Variants in SLIT2 observed in about 807,000 individuals in gnomAD.
SLIT2 encodes slit guidance ligand 2, also known as slit homolog 2 protein.
In SLIT2, 41 loss-of-function variants were observed where a neutral mutation model predicts 185.7. The observed-to-expected ratio is 0.22, with a 90% confidence interval of 0.17 to 0.29. SLIT2 has a LOEUF of 0.29. Ranked by LOEUF, SLIT2 falls within the 10% of genes least tolerant of loss-of-function variation. SLIT2 has a pLI of 1.00. For synonymous variants in SLIT2, 693 were observed against 680.2 expected (o/e 1.02, Z -0.29); for missense variants, 1,571 against 1,909.0 (o/e 0.82, Z 3.30).
chr4:20,539,899 A>G (rs1028365942), intron 19 of SLIT2, among the ~76,000 whole-genome samples: 4 of 152,182 alleles, frequency 2.6e-5, no homozygotes, highest in African/African-American at 9.6e-5. Flanking sequence ...GAAATGTTAT[A>G]GATTTTTGCC....
Position 20,618,951 on chromosome 4 carries a change from C to A in SLIT2, c.4532C>A (p.Ser1511Tyr), listed in dbSNP as rs1182658447. 1.2e-6 allele frequency: 2 copies of A among 1,614,062 alleles called. No individual in the cohort carries two copies. Among genetic ancestry groups the A allele is most frequent in the Admixed American group, 3.3e-5 (2 of 59,998 alleles). The change falls in exon 37 of 37, where the codon TCC becomes TAC. Residue 1511 changes from serine (S) to tyrosine (Y), a missense_variant. Around this residue, in one of 3 missense-constraint regions of SLIT2, gnomAD observed 223 missense variants for 245.2 expected, o/e 0.91. Transcript: ENST00000504154. ...KYSFECTDGS[S>Y]FVDEVEKVVK... ...TCTTTCGAATGCACTGACGGCTCCT[C>A]CTTTGTGGACGAGGTTGAGAAAGTG...
intron 4 of SLIT2, among the ~76,000 whole-genome samples, chr4:20,295,438 C>T (rs1019480850): frequency 1.3e-5 from 2 of 152,150 alleles, no homozygotes; most frequent in African/African-American, 4.8e-5. Flanking sequence ...CTTATGCTAA[C>T]AACTCCTAAT....
In SLIT2 at chr4:20,271,338, A is replaced by G. The variant is rs944128631; in HGVS notation, c.395+2457A>G. On this transcript the variant is annotated intron_variant, in intron 4 of 36. Coordinates refer to ENST00000504154, the MANE Select transcript of SLIT2 (RefSeq NM_004787.4). ...ATGATCGTTTTATAAATATGTGTAA[A>G]ACAATATATAAGTATTCTATAAATA... 3.4e-5 allele frequency among the ~76,000 whole-genome samples: 5 copies of G among 148,834 alleles called. No individual in the cohort carries two copies. In the East Asian group the frequency reaches 5.8e-4, roughly 17 times the overall value.
rs1577905922 is a variant in SLIT2 at position 20,549,039 on chromosome 4, A to G, written c.2418-18A>G. ...TTGGATTTCTGAATAAAACAAATTG[A>G]CATATGTATGCTTTCAGAATTCTTA... is the stretch of plus-strand genomic sequence containing the variant. On this transcript the variant is annotated intron_variant, in intron 23 of 36. Coordinates refer to ENST00000504154, the MANE Select transcript of SLIT2 (RefSeq NM_004787.4). The G allele has an allele frequency of 6.7e-7, 1 of 1,490,768 alleles. No individual in the cohort carries two copies. Among genetic ancestry groups the G allele is most frequent in the African/African-American group, 1.4e-5 (1 of 72,578 alleles). 92.3% of individuals were successfully genotyped at this position (1,490,768 alleles called of 1,614,324 possible).
Position 20,567,507 on chromosome 4 carries a change from T to C in SLIT2, c.2851-11T>C, listed in dbSNP as rs1391706758. 1.9e-6 allele frequency: 3 copies of C among 1,612,878 alleles called. No homozygotes were observed. Among genetic ancestry groups the C allele is most frequent in the East Asian group, 2.2e-5 (1 of 44,838 alleles). On this transcript the variant is annotated splice_polypyrimidine_tract_variant and intron_variant, in intron 27 of 36. Transcript: ENST00000504154. ...TACTTCACTCGACTATACTTGCCCCTTCTTCTCCAGGGGCAGGACTGTGAT... is the reference window on the plus strand; with the variant it reads ...TACTTCACTCGACTATACTTGCCCCCTCTTCTCCAGGGGCAGGACTGTGAT...
At chr4:20,501,926 T>G (rs992036986) in intron 9 of SLIT2, among the ~76,000 whole-genome samples, 22 of 152,206 alleles carry the variant, frequency 1.4e-4, no homozygotes, top group Non-Finnish European at 2.9e-5. Flanking sequence ...AGAAACCATT[T>G]TCATGAAGAC....
intron 4 of SLIT2, among the ~76,000 whole-genome samples, chr4:20,345,716 A>G (rs930157042): frequency 3.3e-5 from 5 of 151,086 alleles, no homozygotes; most frequent in African/African-American, 9.7e-5. Context: ...TTGTATTTTT[A>G]GTAGAGATGG....
chr4:20,285,369 G>A (rs1393298069), intron 4 of SLIT2, among the ~76,000 whole-genome samples: 1 of 152,112 alleles, frequency 6.6e-6, no homozygotes, highest in Admixed American at 6.6e-5. Flanking sequence ...CTCTGCCTAT[G>A]ATCTTGATTT....
Position 20,254,020 on chromosome 4 carries a change from C to T in SLIT2, c.179+26C>T, listed in dbSNP as rs1205473014. On this transcript the variant is annotated intron_variant, in intron 1 of 36. Transcript: ENST00000504154. The surrounding 1 kb of genome is among the most constrained non-coding windows in gnomAD (Gnocchi z 5.1). ...GTGAGTATGCGCTCTTCGTCTTCCC[C>T]TCTCCCCATCCGGGCCGCGCACCCC... 6.3e-7 allele frequency: 1 copy of T among 1,589,306 alleles called. No homozygotes were observed. Among genetic ancestry groups the T allele is most frequent in the African/African-American group, 1.3e-5 (1 of 74,732 alleles).
intron 11 of SLIT2, among the ~76,000 whole-genome samples, chr4:20,517,816 T>C (rs1417777823): frequency 1.3e-5 from 2 of 152,088 alleles, no homozygotes; most frequent in African/African-American, 4.8e-5. Context: ...ATAGTTATTT[T>C]CTTCCTTTTC....
intron 4 of SLIT2, among the ~76,000 whole-genome samples, chr4:20,416,962 C>A (rs1045673953): frequency 7.1e-6 from 1 of 141,354 alleles, no homozygotes; most frequent in African/African-American, 2.6e-5. Flanking sequence ...GCTATCAAAT[C>A]TTTTTTTTTT....
At position 20,528,226 on chromosome 4, in the gene SLIT2, T is replaced by A. The variant is rs767304400; in HGVS notation, c.1463-723T>A. ...AGAACGTCTGTAGCTTTTCTCCTCC[T>A]TCCCTCCATTTTCCTCTTGGTCTTA... On this transcript the variant is annotated intron_variant, in intron 15 of 36. Coordinates refer to ENST00000504154, the MANE Select transcript of SLIT2 (RefSeq NM_004787.4). This position sits in a 1 kb window ranked among gnomAD's most constrained non-coding sequence, Gnocchi z 4.2. 1.9e-6 allele frequency: 1 copy of A among 533,566 alleles called. No individual in the cohort carries two copies. The allele number at this position is 533,566 out of a possible 1,614,324, so 33.1% of individuals were successfully genotyped here.
rs1577774603 is a variant in SLIT2 at position 20,491,803 on chromosome 4, G to A, written c.818G>A (p.Cys273Tyr). 6.2e-7 allele frequency: 1 copy of A among 1,613,554 alleles called. No individual in the cohort carries two copies. The highest frequency in any genetic ancestry group is 1.7e-5 in the Admixed American group (1 of 59,984). Residue 273 changes from cysteine to tyrosine, a missense_variant, in exon 9 of 37, where the codon TGC becomes TAC. Coordinates refer to ENST00000504154, the MANE Select transcript of SLIT2 (RefSeq NM_004787.4). ...GCTCCTTCTTGTAGTGTTTTGCACT[G>A]CCCTGCCGCCTGTACCTGTAGCAAC... ...FMAPSCSVLHCPAACTCSNNI... is the reference protein window; with the variant it reads ...FMAPSCSVLHYPAACTCSNNI...
In SLIT2 at chr4:20,359,132, G is replaced by A. The variant is rs78178785; in HGVS notation, c.395+90251G>A. Among the ~76,000 whole-genome samples, 245 of 152,156 alleles carry A rather than the reference G, an allele frequency of 1.6e-3. 2 individuals are homozygous for A. In the East Asian group the frequency reaches 0.038, roughly 24 times the overall value. ...CCAACACATATCCCAATTATAAAAC[G>A]TCTTTATAGTCCACTATGGCAATTA... On this transcript the variant is annotated intron_variant, in intron 4 of 36. Coordinates refer to ENST00000504154, the MANE Select transcript of SLIT2 (RefSeq NM_004787.4).
chr4:20,470,188 T>G (rs187821404), intron 5 of SLIT2, among the ~76,000 whole-genome samples: 15 of 152,284 alleles, frequency 9.9e-5, no homozygotes, highest in Middle Eastern at 3.4e-3. Flanking sequence ...AGTATTTGAC[T>G]AATCAAATGC....
chr4:20,443,582 T>TAAAAAAAAAAAA (rs71653885), intron 4 of SLIT2, among the ~76,000 whole-genome samples: 1 of 63,060 alleles, frequency 1.6e-5, no homozygotes, highest in Non-Finnish European at 2.8e-5. Flanking sequence ...GGAGAAAATC[T>TAAAAAAAAAAAA]AAAAAAAAAA....
intron 9 of SLIT2, among the ~76,000 whole-genome samples, chr4:20,499,927 A>T (rs1473124453): frequency 6.6e-6 from 1 of 152,200 alleles, no homozygotes; most frequent in African/African-American, 2.4e-5. Context: ...TGTATTTAGT[A>T]ATATTTCAAT....
chr4:20,451,853 A>G (rs1243649350), intron 4 of SLIT2, among the ~76,000 whole-genome samples: 1 of 152,206 alleles, frequency 6.6e-6, no homozygotes, highest in Non-Finnish European at 1.5e-5. Context: ...TGGTGCTGGA[A>G]TGCAGTTCTC....
intron 29 of SLIT2, chr4:20,569,289 C>A: frequency 2.8e-6 from 1 of 359,820 alleles, no homozygotes; most frequent in Non-Finnish European, 5.2e-6. Context: ...AATTAAATGG[C>A]ATTTTTGTGC....
Sources: allele counts gnomAD v4.1 joint callset (sites outside exome capture counted in the v4.1 genomes callset), GRCh38; gene constraint gnomAD v4.1.1; regional missense constraint gnomAD v4.1.1; non-coding constraint Gnocchi (gnomAD v3.1); transcripts MANE v1.5; gene names NCBI Gene and HGNC (gene_info 2026-07-23, HGNC 2026-07-21).